ABCB9: variants seen among roughly 807,000 people sequenced by gnomAD.
The protein encoded by ABCB9 is ATP binding cassette subfamily B member 9.
Under a neutral mutation model 62.0 loss-of-function variants are expected in ABCB9, and 36 were observed. The observed-to-expected ratio is 0.58, with a 90% confidence interval of 0.45 to 0.77. The LOEUF is 0.77. Ranked by LOEUF, ABCB9 falls within the 30% of genes least tolerant of loss-of-function variation. The pLI, the probability that ABCB9 is intolerant of heterozygous loss-of-function variation, is 0.00. For missense variants in ABCB9, 943 were observed against 1,054.7 expected (o/e 0.89, Z 1.47); for synonymous variants, 435 against 461.4 (o/e 0.94, Z 0.73).
At position 122,932,145 on chromosome 12, in the gene ABCB9, C is replaced by T. The variant is rs756392890; in HGVS notation, c.2040+47G>A. The stretch of plus-strand genomic sequence containing the variant: ...TGCTGGGCGATGGGGGCTCTGGCCA[C>T]CTGGAGCCGCTCCTGCCCCCGCATT... On this transcript the variant is annotated intron_variant, in intron 11 of 11. Transcript: ENST00000280560. This position sits in a 1 kb window ranked among gnomAD's most constrained non-coding sequence, Gnocchi z 4.7. The T allele has an allele frequency of 2.1e-5, 32 of 1,550,310 alleles. No individual in the cohort carries two copies. The East Asian group carries it at 3.4e-4, about 17-fold the overall frequency.
Position 122,944,310 on chromosome 12 carries a change from G to GC in ABCB9, c.1380+80dup. On this transcript the variant is annotated intron_variant, in intron 7 of 11. Transcript: ENST00000280560. This position sits in a 1 kb window ranked among gnomAD's most constrained non-coding sequence, Gnocchi z 4.9. ...ATACCACATTGTCAGAGTCCCTGGA[G>GC]CCCCGCCCCCACCCTGTTAAGATCC... 4.0e-6 allele frequency: 6 copies of GC among 1,513,406 alleles called. No individual in the cohort carries two copies. The highest frequency in any genetic ancestry group is 1.9e-5 in the Admixed American group (1 of 51,900). The allele number at this position is 1,513,406 out of a possible 1,614,324, so 93.7% of individuals were successfully genotyped here. A position where few individuals can be genotyped will look rare whatever the true frequency, so the allele number is the denominator to read the frequency against.
rs1006999012 is a variant in ABCB9, at chr12:122,959,172, C to T, written c.601+463G>A. Among the ~76,000 whole-genome samples, 1 of 151,180 alleles carries T rather than the reference C, an allele frequency of 6.6e-6. No homozygotes were observed. The highest frequency in any genetic ancestry group is 1.5e-5 in the Non-Finnish European group (1 of 67,736). ...TTCAAGACCAGCCTGGCCAACATGG[C>T]GAAAACCTGTTTCTACTAAAAATAC... On this transcript the variant is annotated intron_variant, in intron 2 of 11. Coordinates refer to ENST00000280560, the MANE Select transcript of ABCB9 (RefSeq NM_019625.4). The surrounding 1 kb of genome is among the most constrained non-coding windows in gnomAD (Gnocchi z 5.4).
At position 122,940,347 on chromosome 12, in the gene ABCB9, G is replaced by T; in HGVS notation, c.1570-63C>A. 1 of 1,505,822 alleles carries T rather than the reference G, an allele frequency of 6.6e-7. No homozygotes were observed. Among genetic ancestry groups the T allele is most frequent in the South Asian group, 1.3e-5 (1 of 74,272 alleles). 93.3% of individuals were successfully genotyped at this position (1,505,822 alleles called of 1,614,324 possible). On this transcript the variant is annotated intron_variant, in intron 8 of 11. Coordinates refer to ENST00000280560, the MANE Select transcript of ABCB9 (RefSeq NM_019625.4). This position sits in a 1 kb window ranked among gnomAD's most constrained non-coding sequence, Gnocchi z 4.8. ...CTCAGGTCCCAGGACTGGATGCCCTGACCTTGGACACAGGTGGGTGCCCTT... is the reference window on the plus strand; with the variant it reads ...CTCAGGTCCCAGGACTGGATGCCCTTACCTTGGACACAGGTGGGTGCCCTT...
intron 2 of ABCB9, among the ~76,000 whole-genome samples, chr12:122,958,818 G>A (rs1227774746): frequency 6.6e-6 from 1 of 152,010 alleles, no homozygotes; most frequent in Non-Finnish European, 1.5e-5. Context: ...CTACAGCCTG[G>A]GCAACAGAGT....
At chr12:122,935,522 C>G (rs1345812703) in intron 9 of ABCB9, 91 bp from the exon 10 acceptor site, 2 of 1,465,052 alleles carry the variant, frequency 1.4e-6, no homozygotes. Flanking sequence ...CTGGAGACAC[C>G]AGCAGTCTCA....
chr12:122,975,100 C>T (rs2037368738), exon 1 of ABCB9: 3 of 512,468 alleles, frequency 5.9e-6, no homozygotes, highest in Non-Finnish European at 1.1e-5. Context: ...GCATCTTTCT[C>T]CGCAGACCGT....
At chr12:122,933,568 A>T (rs995053740) in intron 10 of ABCB9, among the ~76,000 whole-genome samples, 4 of 152,150 alleles carry the variant, frequency 2.6e-5, no homozygotes. Context: ...AAAAAAAAAA[A>T]AGTGAATAAT....
downstream of ABCB9, among the ~76,000 whole-genome samples, chr12:122,925,619 G>T (rs1276040110): frequency 6.6e-6 from 1 of 151,918 alleles, no homozygotes; most frequent in African/African-American, 2.4e-5. Flanking sequence ...GTGGCGGTGG[G>T]CGCCTCTAGT....
intron 2 of ABCB9, among the ~76,000 whole-genome samples, chr12:122,953,277 A>G (rs999323936): frequency 7.3e-5 from 11 of 150,586 alleles, no homozygotes; most frequent in Admixed American, 5.3e-4. Flanking sequence ...CAGTGGCATG[A>G]TCTCAGCTCA....
downstream of ABCB9, among the ~76,000 whole-genome samples, chr12:122,924,135 C>T (rs4537798): frequency 2.0e-5 from 3 of 152,180 alleles, no homozygotes; most frequent in African/African-American, 7.2e-5. Context: ...TTGGGGTCGT[C>T]TTTAGCCCTG....
intron 11 of ABCB9, among the ~76,000 whole-genome samples, chr12:122,921,916 T>C (rs2034757487): frequency 1.3e-5 from 2 of 152,270 alleles, no homozygotes; most frequent in South Asian, 2.1e-4. Flanking sequence ...TCAGCAGCAA[T>C]GGCTGTGTCA....
In ABCB9 at chr12:122,930,047, C is replaced by A; in HGVS notation, c.2165G>T (p.Gly722Val). The stretch of plus-strand genomic sequence containing the variant: ...CTGGGCCAGCAGCTGCTGGTGGGTG[C>A]CCTGCTGCACTACGCGGCCCTTGTC... ...VLDKGRVVQQ[G>V]THQQLLAQGG... The change falls in exon 12 of 12, where the codon GGC becomes GTC. Residue 722 changes from glycine to valine, a missense_variant. Physicochemically the swap from Gly to Val is moderately radical, Grantham distance 109. Coordinates refer to ENST00000280560, the MANE Select transcript of ABCB9 (RefSeq NM_019625.4). The surrounding 1 kb of genome is among the most constrained non-coding windows in gnomAD (Gnocchi z 4.9). The A allele has an allele frequency of 6.4e-7, 1 of 1,571,166 alleles. No homozygotes were observed. The highest frequency in any genetic ancestry group is 2.3e-5 in the East Asian group (1 of 42,746).
chr12:122,945,288 C>T (rs931599839), intron 6 of ABCB9, among the ~76,000 whole-genome samples: 1 of 152,212 alleles, frequency 6.6e-6, no homozygotes. Context: ...TCACTCCAAA[C>T]CCTCCTCATT....
intron 2 of ABCB9, among the ~76,000 whole-genome samples, chr12:122,954,258 C>T (rs970623887): frequency 4.0e-5 from 6 of 151,870 alleles, no homozygotes; most frequent in East Asian, 3.9e-4. Flanking sequence ...GCCCAGGCTG[C>T]GATGCAATGG....
chr12:122,933,998 C>T (rs1247096734), intron 10 of ABCB9, among the ~76,000 whole-genome samples: 2 of 152,198 alleles, frequency 1.3e-5, no homozygotes, highest in Non-Finnish European at 2.9e-5. Flanking sequence ...AATCCCACCA[C>T]TTTGGGAAGC....
At chr12:122,961,799 C>T (rs1010864464) in intron 1 of ABCB9, among the ~76,000 whole-genome samples, 1 of 152,236 alleles carries the variant, frequency 6.6e-6, no homozygotes, top group African/African-American at 2.4e-5. Flanking sequence ...GAACCTGTTT[C>T]CTCATTTGCA....
chr12:122,923,926 C>T (rs1234822384), intron 11 of ABCB9, among the ~76,000 whole-genome samples: 3 of 152,164 alleles, frequency 2.0e-5, no homozygotes, highest in Admixed American at 6.6e-5. Context: ...CCAGTCCAGT[C>T]GACAGGGGAG....
chr12:122,933,047 C>T (rs1172827224), intron 10 of ABCB9, among the ~76,000 whole-genome samples: 2 of 152,158 alleles, frequency 1.3e-5, no homozygotes, highest in Non-Finnish European at 2.9e-5. Flanking sequence ...CATGCCACCA[C>T]ACCTGGCTAA....
intron 10 of ABCB9, among the ~76,000 whole-genome samples, chr12:122,933,917 C>G (rs2035323789): frequency 6.6e-6 from 1 of 152,138 alleles, no homozygotes; most frequent in African/African-American, 2.4e-5. Flanking sequence ...AATCTACTCT[C>G]TTAGCTATTT....
Sources: allele counts gnomAD v4.1 joint callset (sites outside exome capture counted in the v4.1 genomes callset), GRCh38; gene constraint gnomAD v4.1.1; non-coding constraint Gnocchi (gnomAD v3.1); transcripts MANE v1.5; gene names NCBI Gene and HGNC (gene_info 2026-07-23, HGNC 2026-07-21).